F13A1: variants seen among roughly 807,000 people sequenced by gnomAD.
F13A1 encodes the protein FSF, A subunit.
F13A1 carries 47 observed loss-of-function variants against 80.1 expected under a neutral mutation model. The ratio of observed to expected loss-of-function variants is 0.59; its 90% CI spans 0.46 to 0.75. The LOEUF (loss-of-function observed/expected upper bound fraction) is 0.75. F13A1 is among the 30% of genes least tolerant of loss of function. F13A1 has a pLI of 0.00. For synonymous variants in F13A1, 349 were observed against 344.9 expected (o/e 1.01, Z -0.13); for missense variants, 817 against 930.4 (o/e 0.88, Z 1.59).
chr6:6,256,520 G>A (rs536185456), intron 4 of F13A1, among the ~76,000 whole-genome samples: 33 of 152,186 alleles, frequency 2.2e-4, no homozygotes, highest in African/African-American at 7.7e-4. Flanking sequence ...AACCACCCTT[G>A]CAGGCTGACT....
chr6:6,241,919 G>T lies in F13A1; in HGVS notation c.798+6393C>A, dbSNP rs150020193. ...CATGAAGAGGTTTGCTCAACGTGAA[G>T]CTTCCTATAAGATGACCAAGTAAAC... On this transcript the variant is annotated intron_variant, in intron 6 of 14. Transcript: ENST00000264870. Among the ~76,000 whole-genome samples the T allele has an allele frequency of 7.1e-3, 1,075 of 152,256 alleles. 14 individuals carry two copies. The highest frequency in any genetic ancestry group is 0.024 in the African/African-American group (994 of 41,530).
chr6:6,242,616 C>T (rs1007934647), intron 6 of F13A1, among the ~76,000 whole-genome samples: 1 of 152,074 alleles, frequency 6.6e-6, no homozygotes, highest in African/African-American at 2.4e-5. Flanking sequence ...GATCAAGTAA[C>T]TGTAAATGTT....
intron 8 of F13A1, among the ~76,000 whole-genome samples, chr6:6,205,170 G>A (rs1163129095): frequency 6.6e-6 from 1 of 152,246 alleles, no homozygotes; most frequent in East Asian, 1.9e-4. Flanking sequence ...GTGAAGGCAA[G>A]GGGTTTTGCA....
At chr6:6,149,366 A>G (rs1760334123) in intron 14 of F13A1, among the ~76,000 whole-genome samples, 1 of 152,206 alleles carries the variant, frequency 6.6e-6, no homozygotes, top group Admixed American at 6.5e-5. Flanking sequence ...AAAAAAACTT[A>G]AAAAGAGAGA....
intron 8 of F13A1, among the ~76,000 whole-genome samples, chr6:6,208,641 C>T (rs551141063): frequency 6.6e-6 from 1 of 152,156 alleles, no homozygotes; most frequent in East Asian, 1.9e-4. Context: ...AATAGAGAAT[C>T]TCTTTTTTAC....
At position 6,250,731 on chromosome 6, in the gene F13A1, A is replaced by T; in HGVS notation, c.690+80T>A. ...AATTGTGCTTGTCTAATATCGATAT[A>T]TGGGATCCTGTAGGGATACATGTGA... On this transcript the variant is annotated intron_variant, in intron 5 of 14. Transcript: ENST00000264870. This position sits in a 1 kb window ranked among gnomAD's most constrained non-coding sequence, Gnocchi z 4.2. 1 of 924,134 alleles carries T rather than the reference A, an allele frequency of 1.1e-6. No homozygotes were observed. Among genetic ancestry groups the T allele is most frequent in the Non-Finnish European group, 1.8e-6 (1 of 558,178 alleles). 57.2% of individuals were successfully genotyped at this position (924,134 alleles called of 1,614,324 possible).
rs770570204 is a variant in F13A1 at position 6,308,606 on chromosome 6, CTTTTTTTT to C, written c.131-3075_131-3068del. Among the ~76,000 whole-genome samples, 622 of 88,894 alleles carry C rather than the reference CTTTTTTTT, an allele frequency of 7.0e-3. 5 individuals carry two copies. Among genetic ancestry groups the C allele is most frequent in the African/African-American group, 0.026 (585 of 22,518 alleles). 58.3% of individuals were successfully genotyped at this position (88,894 alleles called of 152,430 possible). A position where few individuals can be genotyped will look rare whatever the true frequency, so the allele number is the denominator to read the frequency against. ...TAAAGCAAAACCCTTAAAACACATT[CTTTTTTTT>C]TTTTTTTTTTTTTTTTGAGGCAGAG... On this transcript the variant is annotated intron_variant, in intron 2 of 14. Transcript: ENST00000264870.
At chr6:6,197,922 T>G (rs111894134) in intron 8 of F13A1, among the ~76,000 whole-genome samples, 63 of 136,234 alleles carry the variant, frequency 4.6e-4, no homozygotes, top group African/African-American at 1.8e-3. Flanking sequence ...AGTTTTAATC[T>G]TAACCATTTT....
chr6:6,306,039 T>A (rs1300524604), intron 2 of F13A1, among the ~76,000 whole-genome samples: 1 of 152,216 alleles, frequency 6.6e-6, no homozygotes, highest in Non-Finnish European at 1.5e-5. Context: ...TAGCCATTAA[T>A]CTAAAATTCT....
At chr6:6,217,872 G>A (rs1325692) in intron 8 of F13A1, among the ~76,000 whole-genome samples, 1 of 151,952 alleles carries the variant, frequency 6.6e-6, no homozygotes, top group Non-Finnish European at 1.5e-5. Flanking sequence ...TTTGAAAAAG[G>A]TTTGTTTATA....
chr6:6,220,379 G>T (rs1757174562), intron 8 of F13A1, among the ~76,000 whole-genome samples: 1 of 152,134 alleles, frequency 6.6e-6, no homozygotes, highest in African/African-American at 2.4e-5. Flanking sequence ...ATGAGGACAG[G>T]GTTACCAAGG....
chr6:6,185,506 A>G (rs1413190520), intron 10 of F13A1, among the ~76,000 whole-genome samples: 2 of 151,592 alleles, frequency 1.3e-5, no homozygotes, highest in Admixed American at 6.6e-5. Context: ...TTTACTGAGA[A>G]TGATGATTTC....
chr6:6,189,836 T>C (rs188507101), intron 10 of F13A1, among the ~76,000 whole-genome samples: 3,608 of 152,104 alleles, frequency 0.024, 78 homozygotes, highest in Middle Eastern at 0.082. Context: ...CTTGGTTCCA[T>C]TCTCCCCATC....
intron 13 of F13A1, among the ~76,000 whole-genome samples, chr6:6,152,695 T>G (rs887586645): frequency 1.3e-5 from 2 of 152,168 alleles, no homozygotes; most frequent in African/African-American, 4.8e-5. Flanking sequence ...GCTGACACTT[T>G]TATGGGGCGA....
At chr6:6,180,373 T>C (rs1760958282) in intron 11 of F13A1, among the ~76,000 whole-genome samples, 1 of 152,248 alleles carries the variant, frequency 6.6e-6, no homozygotes, top group African/African-American at 2.4e-5. Context: ...GGCTGCCTTC[T>C]GCTTTTCTCC....
At chr6:6,266,916 A>G (rs1032240931) in intron 3 of F13A1, 107 bp from the exon 4 acceptor site, 11 of 1,489,800 alleles carry the variant, frequency 7.4e-6, no homozygotes, top group South Asian at 1.2e-5. Flanking sequence ...CATTAGAATT[A>G]TTCTTGACTT....
chr6:6,217,682 A>C, intron 8 of F13A1, among the ~76,000 whole-genome samples: 1 of 152,202 alleles, frequency 6.6e-6, no homozygotes, highest in Non-Finnish European at 1.5e-5. Flanking sequence ...GTATAATAAT[A>C]AAAATAAATA....
chr6:6,279,829 C>A (rs901361397), intron 3 of F13A1, among the ~76,000 whole-genome samples: 2 of 152,136 alleles, frequency 1.3e-5, no homozygotes, highest in Admixed American at 1.3e-4. Context: ...GTGTCATTAG[C>A]CAACAAAGGA....
chr6:6,174,925 A>G, intron 11 of F13A1, 58 bp from the exon 12 acceptor site: 2 of 1,598,980 alleles, frequency 1.3e-6, no homozygotes, highest in East Asian at 2.2e-5. Flanking sequence ...AGAGAAAGTC[A>G]CATTAATGGA....
Sources: allele counts gnomAD v4.1 joint callset (sites outside exome capture counted in the v4.1 genomes callset), GRCh38; gene constraint gnomAD v4.1.1; non-coding constraint Gnocchi (gnomAD v3.1); transcripts MANE v1.5; gene names NCBI Gene and HGNC (gene_info 2026-07-23, HGNC 2026-07-21).